Variants in CAPN5 observed in about 807,000 individuals in gnomAD.
The protein encoded by CAPN5 is calpain 5.
CAPN5 carries 54 observed loss-of-function variants against 73.0 expected under a neutral mutation model. That is an observed-to-expected ratio of 0.74 (90% CI 0.59 to 0.93). CAPN5 has a LOEUF of 0.93. Among genes scored for constraint, CAPN5 ranks in the 40% least tolerant of loss-of-function variants. CAPN5 has a pLI of 0.00. For synonymous variants in CAPN5, 335 were observed against 356.9 expected, an observed-to-expected ratio of 0.94 and a Z score of 0.69; for missense variants, 785 against 882.9, an observed-to-expected ratio of 0.89 and a Z score of 1.41.
chr11:77,112,054 A>G (rs1950415599), intron 3 of CAPN5, among the ~76,000 whole-genome samples: 1 of 152,164 alleles, frequency 6.6e-6, no homozygotes, highest in Non-Finnish European at 1.5e-5. Flanking sequence ...GGGCGAGAGT[A>G]GATGTAGCTG....
intron 3 of CAPN5, among the ~76,000 whole-genome samples, chr11:77,095,143 C>T (rs1018303408): frequency 4.6e-5 from 7 of 152,184 alleles, no homozygotes; most frequent in Admixed American, 6.5e-5. Flanking sequence ...TGTGGGTATT[C>T]GAGGGGCACC....
rs138965008 is a variant in CAPN5 at position 77,123,022 on chromosome 11, G to A, written c.1740+310G>A. Reference sequence around the variant, plus strand: ...TGGGAACTATCCCTCCCATTTCCCCGTGGGGGGCCCACCTGGAAAGTGGCG... The same window carrying A: ...TGGGAACTATCCCTCCCATTTCCCCATGGGGGGCCCACCTGGAAAGTGGCG... On this transcript the variant is annotated intron_variant, in intron 12 of 12. Transcript: ENST00000648180. Among the ~76,000 whole-genome samples, 384 of 152,332 alleles carry A rather than the reference G, an allele frequency of 2.5e-3. 2 individuals are homozygous for A. The highest frequency in any genetic ancestry group is 0.014 in the East Asian group (71 of 5,180).
At chr11:77,112,183 C>G (rs1480778105) in intron 3 of CAPN5, among the ~76,000 whole-genome samples, 1 of 151,976 alleles carries the variant, frequency 6.6e-6, no homozygotes, top group Non-Finnish European at 1.5e-5. Flanking sequence ...ATTGGGCTGA[C>G]TGGATGGAGG....
intron 2 of CAPN5, among the ~76,000 whole-genome samples, chr11:77,093,393 G>T (rs868962176): frequency 2.0e-5 from 3 of 152,200 alleles, no homozygotes; most frequent in Non-Finnish European, 4.4e-5. Flanking sequence ...CGGGTCCAGC[G>T]CTCTGACGTC....
At position 77,091,869 on chromosome 11, in the gene CAPN5, C is replaced by A. The variant is rs80123534; in HGVS notation, c.166-1813C>A. On this transcript the variant is annotated intron_variant, in intron 2 of 12. Coordinates refer to ENST00000648180, the MANE Select transcript of CAPN5 (RefSeq NM_004055.5). ...CTGAAAATTGAAGGAGACTTTCATT[C>A]GCTTTGGGTCAGGCCCTGGGCTTGA... Among the ~76,000 whole-genome samples, 762 of 152,340 alleles carry A rather than the reference C, an allele frequency of 5.0e-3. 7 individuals are homozygous for A. The highest frequency in any genetic ancestry group is 0.017 in the African/African-American group (712 of 41,582).
intron 2 of CAPN5, among the ~76,000 whole-genome samples, chr11:77,085,610 C>T (rs1220383263): frequency 1.3e-5 from 2 of 152,164 alleles, no homozygotes; most frequent in South Asian, 2.1e-4. Flanking sequence ...GCAGCCAGTA[C>T]GGGACCATGG....
chr11:77,067,162 T>C, intron 1 of CAPN5, 68 bp downstream of exon 1: 1 of 148,590 alleles, frequency 6.7e-6, no homozygotes. Flanking sequence ...GGGGGGTGTG[T>C]GCGGGTGCAG....
chr11:77,096,948 C>T (rs58538126), intron 3 of CAPN5, among the ~76,000 whole-genome samples: 7,001 of 152,266 alleles, frequency 0.046, 190 homozygotes, highest in African/African-American at 0.072. Flanking sequence ...CACAGCCAGG[C>T]GCGGTGGCTC....
chr11:77,072,612 T>C (rs1374731986), intron 1 of CAPN5, among the ~76,000 whole-genome samples: 14 of 152,224 alleles, frequency 9.2e-5, no homozygotes, highest in Non-Finnish European at 1.5e-4. Flanking sequence ...GAATGTCCTC[T>C]TTCCCCTCAG....
intron 2 of CAPN5, among the ~76,000 whole-genome samples, chr11:77,086,859 G>T (rs1950091476): frequency 6.6e-6 from 1 of 152,238 alleles, no homozygotes; most frequent in Non-Finnish European, 1.5e-5. Flanking sequence ...GGAGACGCCA[G>T]GTTGGCCCGC....
chr11:77,115,708 T>A, intron 6 of CAPN5, 120 bp downstream of exon 6: 1 of 744,888 alleles, frequency 1.3e-6, no homozygotes, highest in Non-Finnish European at 2.2e-6. Context: ...AGGATGACAC[T>A]AGGAACGAAG....
At chr11:77,104,441 C>G (rs562794245) in intron 3 of CAPN5, among the ~76,000 whole-genome samples, 15 of 152,284 alleles carry the variant, frequency 9.9e-5, no homozygotes, top group Middle Eastern at 3.4e-3. Flanking sequence ...TGGGCAGTTA[C>G]GACGGCTGAT....
intron 2 of CAPN5, among the ~76,000 whole-genome samples, chr11:77,091,672 G>C (rs1206347763): frequency 6.6e-6 from 1 of 152,170 alleles, no homozygotes; most frequent in African/African-American, 2.4e-5. Flanking sequence ...AGGAAGAGGG[G>C]CCTGCTCTGT....
intron 1 of CAPN5, among the ~76,000 whole-genome samples, chr11:77,081,903 G>A (rs958419242): frequency 1.3e-5 from 2 of 152,016 alleles, no homozygotes; most frequent in African/African-American, 2.4e-5. Flanking sequence ...GGGAGCCTCC[G>A]CCACTCTCTG....
At chr11:77,083,572 G>A (rs574189493) in intron 1 of CAPN5, among the ~76,000 whole-genome samples, 30 of 152,294 alleles carry the variant, frequency 2.0e-4, no homozygotes, top group African/African-American at 7.0e-4. Flanking sequence ...TGTGCCCACC[G>A]GCACTGTTGG....
chr11:77,107,003 C>T (rs77533498), intron 3 of CAPN5, among the ~76,000 whole-genome samples: 7,846 of 152,288 alleles, frequency 0.052, 258 homozygotes, highest in African/African-American at 0.091. Flanking sequence ...GGAAGGGGGA[C>T]TCCCCCAAGG....
intron 3 of CAPN5, among the ~76,000 whole-genome samples, chr11:77,108,121 C>A (rs185824179): frequency 2.0e-5 from 3 of 152,186 alleles, no homozygotes; most frequent in African/African-American, 7.2e-5. Flanking sequence ...GGTCACCAGC[C>A]GGTCAAGGCT....
intron 1 of CAPN5, among the ~76,000 whole-genome samples, chr11:77,068,411 A>T (rs1949868433): frequency 6.6e-6 from 1 of 151,936 alleles, no homozygotes; most frequent in African/African-American, 2.4e-5. Context: ...CAAGACAGGG[A>T]CTGATGGGTG....
At chr11:77,111,685 A>G (rs1179941557) in intron 3 of CAPN5, among the ~76,000 whole-genome samples, 1 of 150,974 alleles carries the variant, frequency 6.6e-6, no homozygotes, top group African/African-American at 2.5e-5. Context: ...ACTGAGACCT[A>G]TATGGCCCTG....
Sources: gnomAD v4.1 joint callset for allele counts (sites outside exome capture counted in the v4.1 genomes callset) on GRCh38, gnomAD v4.1.1 for gene constraint, MANE v1.5 for transcripts, NCBI Gene and HGNC (gene_info 2026-07-23, HGNC 2026-07-21) for gene names.